The following TANC2 variants were observed in gnomAD, a reference collection of about 807,000 sequenced individuals.
TANC2 encodes protein TANC2.
A neutral mutation model predicts 210.5 loss-of-function variants in TANC2; 26 were observed. The ratio of observed to expected loss-of-function variants is 0.12; its 90% CI spans 0.09 to 0.17. The LOEUF (loss-of-function observed/expected upper bound fraction) is 0.17. Among genes scored for constraint, TANC2 ranks in the 10% least tolerant of loss-of-function variants. TANC2 has a pLI of 1.00. For missense variants in TANC2, 2,129 were observed against 2,608.9 expected (o/e 0.82, Z 4.01); for synonymous variants, 931 against 967.1 (o/e 0.96, Z 0.69).
intron 14 of TANC2, among the ~76,000 whole-genome samples, chr17:63,359,101 T>G (rs759878657): frequency 2.0e-5 from 3 of 152,064 alleles, no homozygotes; most frequent in Non-Finnish European, 2.9e-5. Context: ...TCTCACTCTG[T>G]CACTCAGGCT....
At chr17:63,385,607 A>C (rs1325394930) in intron 15 of TANC2, among the ~76,000 whole-genome samples, 1 of 152,222 alleles carries the variant, frequency 6.6e-6, no homozygotes, top group Non-Finnish European at 1.5e-5. Context: ...TGTTACTTGC[A>C]CAAATTAAAA....
chr17:63,311,737 TTTA>T (rs1400450340), intron 9 of TANC2, among the ~76,000 whole-genome samples: 4 of 152,174 alleles, frequency 2.6e-5, no homozygotes, highest in African/African-American at 9.7e-5. Flanking sequence ...AGCCCAAATG[TTTA>T]TTAACTGATA....
At position 63,421,319 on chromosome 17, in the gene TANC2, C is replaced by T. The variant is rs1436229578; in HGVS notation, c.5589C>T (p.Gly1863=). The T allele has an allele frequency of 6.2e-7, 1 of 1,614,042 alleles. No individual in the cohort carries two copies. Among genetic ancestry groups the T allele is most frequent in the Admixed American group, 1.7e-5 (1 of 60,030 alleles). ...CGTTGCTGCATTCCCAAAGTGTAGG[C>T]CTTCGCTTCTCTCCATCTAGCAATA... Residue 1863 remains glycine, a synonymous_variant, in exon 28 of 28, where the codon GGC becomes GGT. Coordinates refer to ENST00000689528, the Ensembl canonical transcript of TANC2. This position sits in a 1 kb window ranked among gnomAD's most constrained non-coding sequence, Gnocchi z 6.9.
intron 11 of TANC2, among the ~76,000 whole-genome samples, chr17:63,329,430 G>A (rs1902917271): frequency 6.6e-6 from 1 of 152,006 alleles, no homozygotes; most frequent in Non-Finnish European, 1.5e-5. Context: ...TGAGATACCA[G>A]TTTTTTACCT....
At chr17:63,270,282 T>A (rs1402750756) in intron 9 of TANC2, among the ~76,000 whole-genome samples, 1 of 152,140 alleles carries the variant, frequency 6.6e-6, no homozygotes, top group Non-Finnish European at 1.5e-5. Context: ...TTAAAACACA[T>A]TATCAAGAAA....
At chr17:62,967,924 C>T (rs938399710) in intron 1 of TANC2, among the ~76,000 whole-genome samples, 1 of 152,036 alleles carries the variant, frequency 6.6e-6, no homozygotes, top group Non-Finnish European at 1.5e-5. Context: ...CCAGGTAGAT[C>T]CTCTTAGGGA....
rs949934497 is a variant in TANC2, at chr17:63,418,583, TCTG to T, written c.4268+180_4268+182del. Among the ~76,000 whole-genome samples the T allele has an allele frequency of 3.9e-5, 6 of 152,194 alleles. No individual in the cohort carries two copies. The highest frequency in any genetic ancestry group is 6.5e-5 in the Admixed American group (1 of 15,282). ...CAGCCCTCAGCTCAAGATCAGCAAA[TCTG>T]CTGGGCTGTGGAGGCCACGAATGTT... On this transcript the variant is annotated intron_variant, in intron 27 of 27. Coordinates refer to ENST00000689528, the Ensembl canonical transcript of TANC2. The surrounding 1 kb of genome is among the most constrained non-coding windows in gnomAD (Gnocchi z 4.6).
At chr17:63,214,159 C>G (rs893209256) in intron 7 of TANC2, among the ~76,000 whole-genome samples, 4 of 152,144 alleles carry the variant, frequency 2.6e-5, no homozygotes, top group Admixed American at 1.3e-4. Context: ...CCTTATTCTC[C>G]CTATTGCACA....
chr17:63,055,596 ACT>A (rs1362998402), intron 2 of TANC2, among the ~76,000 whole-genome samples: 1 of 150,874 alleles, frequency 6.6e-6, no homozygotes, highest in African/African-American at 2.4e-5. Context: ...TACATACATA[ACT>A]CTATTCTATT....
At chr17:62,991,639 C>CAA (rs576514397) in intron 1 of TANC2, among the ~76,000 whole-genome samples, 11 of 62,606 alleles carry the variant, frequency 1.8e-4, no homozygotes, top group East Asian at 5.0e-4. Context: ...GACTCCGTCT[C>CAA]AAAAAAAAAA....
Position 62,988,467 on chromosome 17 carries a change from T to C in TANC2, c.-23-21070T>C, listed in dbSNP as rs75245256. ...TGGAGTTTCTTGCTCTAATTACGTT[T>C]TTTGTAGGTTTTCTTCACTTAAGCT... On this transcript the variant is annotated intron_variant, in intron 1 of 27. Coordinates refer to ENST00000689528, the Ensembl canonical transcript of TANC2. 1.2e-3 allele frequency among the ~76,000 whole-genome samples: 182 copies of C among 152,172 alleles called. 5 individuals carry two copies. The East Asian group carries it at 0.032, about 27-fold the overall frequency.
intron 1 of TANC2, among the ~76,000 whole-genome samples, chr17:62,969,368 T>C (rs1016544479): frequency 1.3e-5 from 2 of 152,214 alleles, no homozygotes; most frequent in Non-Finnish European, 2.9e-5. Flanking sequence ...GAACCTGTGC[T>C]CCTCATCAAT....
intron 5 of TANC2, among the ~76,000 whole-genome samples, chr17:63,170,117 A>G (rs1432194738): frequency 2.1e-5 from 3 of 145,610 alleles, no homozygotes; most frequent in Non-Finnish European, 4.5e-5. Flanking sequence ...GTGATAGAGC[A>G]AGACTCTGTC....
At chr17:63,011,090 A>G (rs2033849228) in intron 2 of TANC2, among the ~76,000 whole-genome samples, 2 of 152,144 alleles carry the variant, frequency 1.3e-5, no homozygotes, top group African/African-American at 2.4e-5. Flanking sequence ...TCCTGAGGCT[A>G]TTCAGGAGCC....
At chr17:63,226,821 C>T (rs1186683866) in intron 7 of TANC2, among the ~76,000 whole-genome samples, 2 of 152,102 alleles carry the variant, frequency 1.3e-5, no homozygotes, top group Admixed American at 6.5e-5. Flanking sequence ...TCTCATTGTT[C>T]CACTCCCACT....
intron 1 of TANC2, among the ~76,000 whole-genome samples, chr17:62,991,723 T>C (rs1436637869): frequency 6.6e-6 from 1 of 151,592 alleles, no homozygotes; most frequent in Admixed American, 6.6e-5. Flanking sequence ...ACATAACATA[T>C]ACATTGTATT....
chr17:63,084,183 T>A (rs1257487001), intron 3 of TANC2, among the ~76,000 whole-genome samples: 1 of 152,184 alleles, frequency 6.6e-6, no homozygotes, highest in Non-Finnish European at 1.5e-5. Context: ...CTATTCAGAT[T>A]GTCTATTTTT....
intron 7 of TANC2, among the ~76,000 whole-genome samples, chr17:63,215,831 G>A (rs376501727): frequency 1.3e-5 from 2 of 151,740 alleles, no homozygotes; most frequent in East Asian, 3.9e-4. Flanking sequence ...CTCACTGCAA[G>A]CTCCACCTCC....
intron 1 of TANC2, among the ~76,000 whole-genome samples, chr17:62,979,065 T>G (rs2032169579): frequency 6.6e-6 from 1 of 152,224 alleles, no homozygotes; most frequent in African/African-American, 2.4e-5. Context: ...ATAATCCTTT[T>G]TTTTCATGCA....
Sources: gnomAD v4.1 joint callset for allele counts (sites outside exome capture counted in the v4.1 genomes callset) on GRCh38, gnomAD v4.1.1 for gene constraint, Gnocchi (gnomAD v3.1) non-coding constraint, MANE v1.5 for transcripts, NCBI Gene and HGNC (gene_info 2026-07-23, HGNC 2026-07-21) for gene names.